AFF1: variants seen among roughly 807,000 people sequenced by gnomAD.
The protein encoded by AFF1 is ALF transcription elongation factor 1.
Under a neutral mutation model 121.7 loss-of-function variants are expected in AFF1, and 48 were observed. That is an observed-to-expected ratio of 0.39 (90% CI 0.31 to 0.50). The LOEUF is 0.50. Among genes scored for constraint, AFF1 ranks in the 20% least tolerant of loss-of-function variants. AFF1 has a pLI of 0.76. For synonymous variants in AFF1, 613 were observed against 563.0 expected, an observed-to-expected ratio of 1.09 and a Z score of -1.26; for missense variants, 1,523 against 1,511.7, an observed-to-expected ratio of 1.01 and a Z score of -0.12.
At chr4:87,099,120 G>A (rs1265635097) in intron 8 of AFF1, among the ~76,000 whole-genome samples, 2 of 152,122 alleles carry the variant, frequency 1.3e-5, no homozygotes, top group Admixed American at 6.5e-5. Context: ...ATTTTTCCTT[G>A]TTTTCAAATA....
At chr4:86,960,387 C>A (rs1336814885) in intron 2 of AFF1, among the ~76,000 whole-genome samples, 3 of 152,092 alleles carry the variant, frequency 2.0e-5, no homozygotes, top group Non-Finnish European at 4.4e-5. Flanking sequence ...GAGTGCTGCT[C>A]CTCTCAGGAG....
At chr4:86,982,888 G>A (rs1198048054) in intron 2 of AFF1, among the ~76,000 whole-genome samples, 1 of 132,334 alleles carries the variant, frequency 7.6e-6, no homozygotes, top group Non-Finnish European at 1.6e-5. Flanking sequence ...AAGCTTGTTT[G>A]CCCCTTCCAC....
At chr4:87,105,766 G>T in intron 9 of AFF1, 42 bp from the exon 10 acceptor site, 1 of 1,613,630 alleles carries the variant, frequency 6.2e-7, no homozygotes. Context: ...CCTGTTTTTT[G>T]TTCTTTTCCT....
At chr4:87,064,997 C>G (rs1721191176) in intron 4 of AFF1, among the ~76,000 whole-genome samples, 1 of 151,876 alleles carries the variant, frequency 6.6e-6, no homozygotes, top group Non-Finnish European at 1.5e-5. Flanking sequence ...TGTGTTCGTG[C>G]CACTGCACTC....
At chr4:87,066,588 CAAAACA>C (rs151284940) in intron 4 of AFF1, among the ~76,000 whole-genome samples, 1,565 of 151,860 alleles carry the variant, frequency 0.01, 58 homozygotes, top group Admixed American at 0.07. Flanking sequence ...GACCCTGTCT[CAAAACA>C]AAAACAAAAA....
intron 2 of AFF1, among the ~76,000 whole-genome samples, chr4:86,974,658 A>G (rs979421065): frequency 6.6e-6 from 1 of 152,316 alleles, no homozygotes; most frequent in East Asian, 1.9e-4. Context: ...TCCTGAAAGG[A>G]TGGTATTTTT....
At chr4:87,017,967 G>T (rs1218700791) in intron 2 of AFF1, among the ~76,000 whole-genome samples, 1 of 151,724 alleles carries the variant, frequency 6.6e-6, no homozygotes, top group Non-Finnish European at 1.5e-5. Flanking sequence ...TGAGGCTCTG[G>T]CTAGAAGATG....
At chr4:86,958,339 A>G (rs1019525236) in intron 2 of AFF1, among the ~76,000 whole-genome samples, 1 of 150,780 alleles carries the variant, frequency 6.6e-6, no homozygotes, top group Non-Finnish European at 1.5e-5. Flanking sequence ...GATCTGCCCA[A>G]CTCAGCCTCC....
At chr4:87,070,497 C>G (rs1019940434) in intron 4 of AFF1, among the ~76,000 whole-genome samples, 1 of 152,228 alleles carries the variant, frequency 6.6e-6, no homozygotes, top group Admixed American at 6.5e-5. Context: ...ATGTTTATGG[C>G]TTTTAAAAAT....
chr4:86,957,029 G>A (rs753635293), intron 2 of AFF1, among the ~76,000 whole-genome samples: 13 of 152,254 alleles, frequency 8.5e-5, no homozygotes, highest in East Asian at 1.9e-4. Flanking sequence ...CTTTAGCCCT[G>A]AACTCCCTGC....
chr4:86,976,651 A>G (rs1228292565), intron 2 of AFF1, among the ~76,000 whole-genome samples: 1 of 152,148 alleles, frequency 6.6e-6, no homozygotes, highest in Non-Finnish European at 1.5e-5. Flanking sequence ...ATGACCTAAC[A>G]TGTACTATGC....
In AFF1 at chr4:87,135,514, T is replaced by C. The variant is rs984105589; in HGVS notation, c.3536-66T>C. ...CCTTCTGGAACCTTGAATTTTTGTT[T>C]CCATTTTAATTTTTGTGTGTGCTTG... On this transcript the variant is annotated intron_variant, in intron 20 of 20. Transcript: ENST00000395146. 32 of 1,445,170 alleles carry C rather than the reference T, an allele frequency of 2.2e-5. No individual in the cohort carries two copies. In the African/African-American group the frequency reaches 3.0e-4, roughly 14 times the overall value. The allele number at this position is 1,445,170 out of a possible 1,614,324, so 89.5% of individuals were successfully genotyped here.
At chr4:86,951,681 G>A (rs1040464051) in intron 2 of AFF1, among the ~76,000 whole-genome samples, 1 of 134,942 alleles carries the variant, frequency 7.4e-6, no homozygotes, top group African/African-American at 2.9e-5. Flanking sequence ...GAAGTGCAGT[G>A]GCATGATCTT....
At chr4:86,959,667 A>G (rs1312567651) in intron 2 of AFF1, among the ~76,000 whole-genome samples, 1 of 152,076 alleles carries the variant, frequency 6.6e-6, no homozygotes, top group African/African-American at 2.4e-5. Context: ...CCTAAACGAT[A>G]AGTAACGTTA....
intron 2 of AFF1, among the ~76,000 whole-genome samples, chr4:87,023,351 A>G (rs1377603342): frequency 6.6e-6 from 1 of 152,220 alleles, no homozygotes; most frequent in Non-Finnish European, 1.5e-5. Context: ...TTAACTTTGT[A>G]AATTTTAACC....
At chr4:87,050,121 T>A (rs1421531367) in intron 4 of AFF1, among the ~76,000 whole-genome samples, 4 of 152,080 alleles carry the variant, frequency 2.6e-5, no homozygotes, top group Non-Finnish European at 5.9e-5. Flanking sequence ...AATGTGGAAA[T>A]TAGCCCCAGA....
intron 2 of AFF1, among the ~76,000 whole-genome samples, chr4:87,013,977 A>C (rs575701545): frequency 6.6e-6 from 1 of 152,216 alleles, no homozygotes; most frequent in East Asian, 1.9e-4. Context: ...GATGCTATTA[A>C]ATTTTGATAT....
At chr4:87,014,944 A>C (rs988081115) in intron 2 of AFF1, among the ~76,000 whole-genome samples, 1 of 152,240 alleles carries the variant, frequency 6.6e-6, no homozygotes, top group Non-Finnish European at 1.5e-5. Flanking sequence ...TCAATTGACA[A>C]ACTGTCTACC....
intron 2 of AFF1, among the ~76,000 whole-genome samples, chr4:87,000,603 C>CTGTGTGTG (rs777829987): frequency 0.046 from 3,525 of 76,608 alleles, 42 homozygotes; most frequent in Non-Finnish European, 0.06. Flanking sequence ...AAAAAATAAA[C>CTGTGTGTG]TCTGTGTGTG....
Sources: allele counts gnomAD v4.1 joint callset (sites outside exome capture counted in the v4.1 genomes callset), GRCh38; gene constraint gnomAD v4.1.1; transcripts MANE v1.5; gene names NCBI Gene and HGNC (gene_info 2026-07-23, HGNC 2026-07-21).